The following CMIP variants were observed in gnomAD, a reference collection of about 807,000 sequenced individuals.
CMIP encodes c-Maf inducing protein.
CMIP carries 13 observed loss-of-function variants against 97.3 expected under a neutral mutation model. The observed-to-expected ratio is 0.13, with a 90% CI of 0.09 to 0.21. The LOEUF (loss-of-function observed/expected upper bound fraction) is 0.21, where lower values mean the gene tolerates loss of function less well. CMIP is among the 10% of genes least tolerant of loss of function. The pLI, the probability that CMIP is intolerant of heterozygous loss-of-function variation, is 1.00. For synonymous variants in CMIP, 538 were observed against 436.3 expected, an observed-to-expected ratio of 1.23 and a Z score of -2.91; for missense variants, 847 against 1,024.9, an observed-to-expected ratio of 0.83 and a Z score of 2.37.
At chr16:81,693,669 T>C (rs955407431) in intron 13 of CMIP, among the ~76,000 whole-genome samples, 182 bp downstream of exon 13, 2 of 152,156 alleles carry the variant, frequency 1.3e-5, no homozygotes, top group Non-Finnish European at 2.9e-5. Context: ...TGTCAGTGTT[T>C]TACTGTAAAC....
At chr16:81,659,867 C>G (rs746733222) in intron 5 of CMIP, among the ~76,000 whole-genome samples, 2 of 152,204 alleles carry the variant, frequency 1.3e-5, no homozygotes, top group Non-Finnish European at 2.9e-5. Flanking sequence ...TTACAGCCTC[C>G]CCTTCCAGCA....
chr16:81,471,001 C>T (rs1398987519), intron 1 of CMIP, among the ~76,000 whole-genome samples: 2 of 151,846 alleles, frequency 1.3e-5, no homozygotes, highest in African/African-American at 4.8e-5. Flanking sequence ...CACACATGCA[C>T]ACAGGCACAC....
chr16:81,701,796 A>T lies in CMIP; in HGVS notation c.1892A>T (p.Glu631Val), dbSNP rs1298398981. ...QLCDRQRELK[E>V]LQRKGGPTRL... is the part of the protein sequence containing the mutation. ...TGTGACCGGCAGCGGGAGCTGAAGG[A>T]GCTGGTGAGTCCCCGGCTGCTCCGG... is the stretch of plus-strand genomic sequence containing the variant. The change falls in exon 16 of 21, where the codon GAG becomes GTG. Residue 631 changes from glutamate to valine, a missense_variant. By Grantham distance (121) the Glu-to-Val change is moderately radical (BLOSUM62 -2). Coordinates refer to ENST00000537098, the MANE Select transcript of CMIP (RefSeq NM_198390.3). The T allele has an allele frequency of 4.3e-6, 7 of 1,613,542 alleles. No individual in the cohort carries two copies. The highest frequency in any genetic ancestry group is 3.3e-5 in the South Asian group (3 of 91,092).
intron 10 of CMIP, among the ~76,000 whole-genome samples, chr16:81,688,836 G>A (rs1228462093): frequency 6.6e-6 from 1 of 152,154 alleles, no homozygotes; most frequent in African/African-American, 2.4e-5. Flanking sequence ...AGGCCCCGGT[G>A]TGTGATGTTC....
intron 20 of CMIP, among the ~76,000 whole-genome samples, chr16:81,707,947 G>A (rs572836950): frequency 2.6e-5 from 4 of 152,376 alleles, no homozygotes; most frequent in South Asian, 2.1e-4. Context: ...GCCCTTGGCC[G>A]GGGCCCACCT....
intron 1 of CMIP, among the ~76,000 whole-genome samples, chr16:81,548,188 C>G (rs2090585919): frequency 7.0e-6 from 1 of 142,552 alleles, no homozygotes; most frequent in South Asian, 2.2e-4. Flanking sequence ...GGCTAGAGTG[C>G]AGTGGTACAA....
chr16:81,446,827 CCTA>C (rs1175411417), intron 1 of CMIP, among the ~76,000 whole-genome samples: 1 of 151,986 alleles, frequency 6.6e-6, no homozygotes. Flanking sequence ...GCTGAAGAAT[CCTA>C]CTCTTTGAAC....
chr16:81,552,566 G>T (rs1315114847), intron 1 of CMIP, among the ~76,000 whole-genome samples: 1 of 152,142 alleles, frequency 6.6e-6, no homozygotes, highest in Non-Finnish European at 1.5e-5. Flanking sequence ...AGCCACCTGT[G>T]TACCATCTCC....
In CMIP at chr16:81,708,616, G is replaced by T. The variant is rs529262735; in HGVS notation, c.2269-1130G>T. ...GAGGGGACTCGAGCAAACAGCAGCT[G>T]CCTGTCCTTTGGAGGAGGGGCCTCT... On this transcript the variant is annotated intron_variant, in intron 20 of 20. Coordinates refer to ENST00000537098, the MANE Select transcript of CMIP (RefSeq NM_198390.3). Among the ~76,000 whole-genome samples the T allele has an allele frequency of 2.4e-4, 36 of 152,352 alleles. 1 individual carries two copies. The highest frequency in any genetic ancestry group is 1.2e-3 in the Admixed American group (18 of 15,312).
chr16:81,522,182 C>A (rs1054740544), intron 1 of CMIP, among the ~76,000 whole-genome samples: 7 of 152,188 alleles, frequency 4.6e-5, no homozygotes, highest in African/African-American at 9.7e-5. Context: ...AACACCGATT[C>A]GCCCACGATG....
At chr16:81,658,342 G>A (rs1274324967) in intron 5 of CMIP, among the ~76,000 whole-genome samples, 2 of 152,246 alleles carry the variant, frequency 1.3e-5, no homozygotes, top group East Asian at 3.8e-4. Flanking sequence ...TCACTTGAGA[G>A]AAGAAAGAAA....
Position 81,701,809 on chromosome 16 carries a change from C to G in CMIP, c.1896+9C>G, listed in dbSNP as rs1245569098. ...GGGAGCTGAAGGAGCTGGTGAGTCCCCGGCTGCTCCGGACCACTCCCCTGC... is the reference window on the plus strand; with the variant it reads ...GGGAGCTGAAGGAGCTGGTGAGTCCGCGGCTGCTCCGGACCACTCCCCTGC... On this transcript the variant is annotated intron_variant, in intron 16 of 20. Transcript: ENST00000537098. 11 of 1,612,832 alleles carry G rather than the reference C, an allele frequency of 6.8e-6. No individual in the cohort carries two copies. The highest frequency in any genetic ancestry group is 9.3e-6 in the Non-Finnish European group (11 of 1,179,836).
chr16:81,661,451 G>C (rs911310215), intron 6 of CMIP, among the ~76,000 whole-genome samples: 4 of 152,256 alleles, frequency 2.6e-5, no homozygotes, highest in African/African-American at 9.6e-5. Context: ...TTGTGGCTCA[G>C]GCCGAACCAT....
At chr16:81,687,606 C>G (rs138605334) in intron 10 of CMIP, among the ~76,000 whole-genome samples, 45 of 152,246 alleles carry the variant, frequency 3.0e-4, no homozygotes, top group African/African-American at 1.1e-3. Context: ...TGTGGGAAAT[C>G]ACAAACAGCT....
intron 1 of CMIP, among the ~76,000 whole-genome samples, chr16:81,454,029 A>G (rs1906396038): frequency 6.6e-6 from 1 of 152,192 alleles, no homozygotes. Context: ...GGGTGCCAAG[A>G]GCAGAGCTGC....
At chr16:81,507,638 C>G (rs2089733626) in intron 1 of CMIP, among the ~76,000 whole-genome samples, 1 of 152,078 alleles carries the variant, frequency 6.6e-6, no homozygotes, top group Non-Finnish European at 1.5e-5. Flanking sequence ...AAAGGTGAAA[C>G]CATTTAATTC....
chr16:81,662,610 C>T (rs908462010), intron 6 of CMIP, among the ~76,000 whole-genome samples: 1 of 152,188 alleles, frequency 6.6e-6, no homozygotes, highest in South Asian at 2.1e-4. Flanking sequence ...CTGCCAAATT[C>T]CAAGATCTGA....
chr16:81,489,832 G>A (rs915714689), intron 1 of CMIP, among the ~76,000 whole-genome samples: 1 of 152,264 alleles, frequency 6.6e-6, no homozygotes, highest in African/African-American at 2.4e-5. Context: ...ACAGGGGAAG[G>A]AGAGTCTCGG....
At chr16:81,609,384 G>A (rs2091794099) in intron 2 of CMIP, among the ~76,000 whole-genome samples, 1 of 152,210 alleles carries the variant, frequency 6.6e-6, no homozygotes, top group South Asian at 2.1e-4. Flanking sequence ...CTCGGCGGGG[G>A]AGATGGGGCG....
Sources: gnomAD v4.1 joint callset for allele counts (sites outside exome capture counted in the v4.1 genomes callset) on GRCh38, gnomAD v4.1.1 for gene constraint, MANE v1.5 for transcripts, NCBI Gene and HGNC (gene_info 2026-07-23, HGNC 2026-07-21) for gene names.